KCNH2: variants seen among roughly 807,000 people sequenced by gnomAD.
KCNH2 encodes the protein potassium voltage-gated channel subfamily H member 2.
In KCNH2, 35 loss-of-function variants were observed where a neutral mutation model predicts 95.9. That is an observed-to-expected ratio of 0.37 (90% CI 0.28 to 0.48). The LOEUF is 0.48. KCNH2 is among the 20% of genes least tolerant of loss of function. The probability of loss-of-function intolerance (pLI) is 0.99; values close to 1 mark genes in which losing one functional copy is unlikely to be tolerated. For synonymous variants in KCNH2, 786 were observed against 754.7 expected, an observed-to-expected ratio of 1.04 and a Z score of -0.68; for missense variants, 1,274 against 1,702.9, an observed-to-expected ratio of 0.75 and a Z score of 4.43.
intron 5 of KCNH2, chr7:150,955,881 C>CCCG: frequency 1.0e-6 from 1 of 997,106 alleles, no homozygotes; most frequent in Non-Finnish European, 1.2e-6. Flanking sequence ...GCTCCCCCGC[C>CCCG]CCGCCGGTGC....
intron 1 of KCNH2, among the ~76,000 whole-genome samples, chr7:150,977,132 A>T (rs1422117807): frequency 6.6e-6 from 1 of 152,136 alleles, no homozygotes; most frequent in African/African-American, 2.4e-5. Context: ...CCCGGTCCCC[A>T]TAAGGGAATT....
chr7:150,957,230 C>A, intron 5 of KCNH2, 61 bp downstream of exon 5: 1 of 1,412,002 alleles, frequency 7.1e-7, no homozygotes, highest in Non-Finnish European at 9.8e-7. Flanking sequence ...TCACAGCCCA[C>A]TCCCACCCCC....
At chr7:150,949,092 G>T in intron 9 of KCNH2, 43 bp from the exon 10 acceptor site, 1 of 1,558,710 alleles carries the variant, frequency 6.4e-7, no homozygotes, top group South Asian at 1.1e-5. Flanking sequence ...CCCGGGGGGC[G>T]GCATCCAGGC....
rs1355532247 is a variant in KCNH2, at chr7:150,965,187, A to G, written c.308-5451T>C. Among the ~76,000 whole-genome samples, 3 of 152,154 alleles carry G rather than the reference A, an allele frequency of 2.0e-5. No homozygotes were observed. The South Asian group carries it at 6.2e-4, about 32-fold the overall frequency. ...CAGACCCTGACCCCACAGAAGCAGC[A>G]TCTCCAGACAGACTCCTCCACCACC... On this transcript the variant is annotated intron_variant, in intron 2 of 14. Transcript: ENST00000262186.
intron 5 of KCNH2, chr7:150,955,733 G>T: frequency 2.3e-6 from 3 of 1,301,016 alleles, no homozygotes; most frequent in Non-Finnish European, 2.9e-6. Flanking sequence ...GCTGCCCATG[G>T]CCCCGTGGCG....
chr7:150,960,804 C>T (rs990007065), intron 2 of KCNH2, among the ~76,000 whole-genome samples: 2 of 152,102 alleles, frequency 1.3e-5, no homozygotes, highest in Non-Finnish European at 2.9e-5. Context: ...GTCCCCTAAG[C>T]CAAGCACCCC....
At position 150,955,198 on chromosome 7, in the gene KCNH2, C is replaced by G. The variant is rs887586; in HGVS notation, c.1128+2093G>C. On this transcript the variant is annotated intron_variant, in intron 5 of 14. Coordinates refer to ENST00000262186, the MANE Select transcript of KCNH2 (RefSeq NM_000238.4). Reference sequence around the variant, plus strand: ...CACAGGAGCGGGGAAGTCCCAGCAACGGAAACTCTGTAAGCCCAGCCTGGG... The same window carrying G: ...CACAGGAGCGGGGAAGTCCCAGCAAGGGAAACTCTGTAAGCCCAGCCTGGG... Among the ~76,000 whole-genome samples, 103,364 of 152,212 alleles carry G rather than the reference C, an allele frequency of 0.68. 35,990 individuals are homozygous for G. The highest frequency in any genetic ancestry group is 0.88 in the East Asian group (4,567 of 5,174).
intron 2 of KCNH2, among the ~76,000 whole-genome samples, chr7:150,960,338 C>T (rs961239849): frequency 1.2e-4 from 19 of 152,054 alleles, no homozygotes; most frequent in African/African-American, 4.4e-4. Flanking sequence ...TTATGGGGTA[C>T]ACAGTGATGT....
chr7:150,977,817 T>A, intron 1 of KCNH2, 21 bp downstream of exon 1: 27 of 297,920 alleles, frequency 9.1e-5, no homozygotes, highest in Non-Finnish European at 1.2e-4. Flanking sequence ...CCCTCCCCGC[T>A]CAGCCCCCTC....
At chr7:150,969,168 C>T (rs1212558137) in intron 2 of KCNH2, among the ~76,000 whole-genome samples, 2 of 152,174 alleles carry the variant, frequency 1.3e-5, no homozygotes, top group Non-Finnish European at 2.9e-5. Context: ...CAGCTAGGCT[C>T]GGGTTCCCAC....
Position 150,945,791 on chromosome 7 carries a change from C to T in KCNH2, c.3331-277G>A, listed in dbSNP as rs1800867679. Reference sequence around the variant, plus strand: ...GCTGGGAGCAGGGAAAACCCTAGGCCCCTGTCTCTTCCCGAGGGAATGTGG... The same window carrying T: ...GCTGGGAGCAGGGAAAACCCTAGGCTCCTGTCTCTTCCCGAGGGAATGTGG... On this transcript the variant is annotated intron_variant, in intron 14 of 14. Transcript: ENST00000262186. This position sits in a 1 kb window ranked among gnomAD's most constrained non-coding sequence, Gnocchi z 5.6. 6.6e-6 allele frequency among the ~76,000 whole-genome samples: 1 copy of T among 152,178 alleles called. No individual in the cohort carries two copies. Among genetic ancestry groups the T allele is most frequent in the Non-Finnish European group, 1.5e-5 (1 of 68,046 alleles).
At position 150,948,399 on chromosome 7, in the gene KCNH2, T is replaced by A. The variant is rs755171467; in HGVS notation, c.2692+45A>T. 6 of 1,436,502 alleles carry A rather than the reference T, an allele frequency of 4.2e-6. No homozygotes were observed. The Admixed American group carries it at 7.8e-5, about 19-fold the overall frequency. 89.0% of individuals were successfully genotyped at this position (1,436,502 alleles called of 1,614,324 possible). ...CCACCCCGCCTTCCAGCTCCCAGCC[T>A]CACCTTGTCCCCGCCCTCCCCCTTC... On this transcript the variant is annotated intron_variant, in intron 11 of 14. Transcript: ENST00000262186.
Position 150,957,363 on chromosome 7 carries a change from G to A in KCNH2, c.1056C>T (p.Pro352=), listed in dbSNP as rs1554427342. The change falls in exon 5 of 15, where the codon CCC becomes CCT. Residue 352 remains proline, a synonymous_variant. Transcript: ENST00000262186. ...GTGCTATGATCTCACGGTCACTGGT[G>A]GGCGAAGCCAAGAAGGGGTCGCCCT... ...DLKGDPFLAS[P]TSDREIIAPK... 2 of 1,613,376 alleles carry A rather than the reference G, an allele frequency of 1.2e-6. No individual in the cohort carries two copies. Among genetic ancestry groups the A allele is most frequent in the Non-Finnish European group, 1.7e-6 (2 of 1,179,666 alleles).
At chr7:150,955,721 G>C in intron 5 of KCNH2, 1 of 1,340,258 alleles carries the variant, frequency 7.5e-7, no homozygotes, top group Non-Finnish European at 9.5e-7. Flanking sequence ...TGCCTGGCTC[G>C]AGCTGCCCAT....
rs966988231 is a variant in KCNH2 at position 150,961,111 on chromosome 7, TCTC to T, written c.308-1378_308-1376del. ...CAGCTCCCCCTCTGCTCAGCTGTCT[TCTC>T]TGCCTCCCAGTGTCTCCCGTCCCCA... On this transcript the variant is annotated intron_variant, in intron 2 of 14. Coordinates refer to ENST00000262186, the MANE Select transcript of KCNH2 (RefSeq NM_000238.4). The surrounding 1 kb of genome is among the most constrained non-coding windows in gnomAD (Gnocchi z 6.2). Among the ~76,000 whole-genome samples, 61 of 152,062 alleles carry T rather than the reference TCTC, an allele frequency of 4.0e-4. No individual in the cohort carries two copies. Among genetic ancestry groups the T allele is most frequent in the African/African-American group, 1.4e-3 (58 of 41,450 alleles).
Position 150,952,338 on chromosome 7 carries a change from T to TCCTCGCCAC in KCNH2, c.1557+78_1557+86dup. ...TCTCTCTCTCTCTTTTTCTCTGTCC[T>TCCTCGCCAC]CCTCGCCACCCCCTCCACCCCACTA... On this transcript the variant is annotated intron_variant, in intron 6 of 14. Transcript: ENST00000262186. This position sits in a 1 kb window ranked among gnomAD's most constrained non-coding sequence, Gnocchi z 7.3. The TCCTCGCCAC allele has an allele frequency of 7.7e-7, 1 of 1,306,448 alleles. No individual in the cohort carries two copies. Among genetic ancestry groups the TCCTCGCCAC allele is most frequent in the Non-Finnish European group, 1.1e-6 (1 of 927,128 alleles). 80.9% of individuals were successfully genotyped at this position (1,306,448 alleles called of 1,614,324 possible). A position where few individuals can be genotyped will look rare whatever the true frequency, so the allele number is the denominator to read the frequency against.
At chr7:150,953,968 C>G (rs956201456) in intron 5 of KCNH2, among the ~76,000 whole-genome samples, 2 of 152,238 alleles carry the variant, frequency 1.3e-5, no homozygotes, top group African/African-American at 4.8e-5. Context: ...CCTTCATACT[C>G]AAGCTGGGCT....
At position 150,948,426 on chromosome 7, in the gene KCNH2, T is replaced by TCCCCCCCCCCC; in HGVS notation, c.2692+17_2692+18insGGGGGGGGGGG. 1 of 600,284 alleles carries TCCCCCCCCCCC rather than the reference T, an allele frequency of 1.7e-6. No homozygotes were observed. The highest frequency in any genetic ancestry group is 2.6e-6 in the Non-Finnish European group (1 of 389,780). The allele number at this position is 600,284 out of a possible 1,614,324, so 37.2% of individuals were successfully genotyped here. ...ACCTTGTCCCCGCCCTCCCCCTTCC[T>TCCCCCCCCCCC]CCCCTCCCCCGCCTCACCCTTGTCC... On this transcript the variant is annotated intron_variant, in intron 11 of 14. Transcript: ENST00000262186.
intron 2 of KCNH2, among the ~76,000 whole-genome samples, chr7:150,966,151 A>C (rs946074176): frequency 2.0e-5 from 3 of 152,202 alleles, no homozygotes; most frequent in African/African-American, 7.2e-5. Context: ...GACCCCACAC[A>C]CAGCTTGCCA....
Sources: allele counts gnomAD v4.1 joint callset (sites outside exome capture counted in the v4.1 genomes callset), GRCh38; gene constraint gnomAD v4.1.1; non-coding constraint Gnocchi (gnomAD v3.1); transcripts MANE v1.5; gene names NCBI Gene and HGNC (gene_info 2026-07-23, HGNC 2026-07-21).